The following SLC1A1 variants were observed in gnomAD, a reference collection of about 807,000 sequenced individuals.
SLC1A1 encodes solute carrier family 1 member 1, also known as excitatory amino acid transporter 3.
A neutral mutation model predicts 53.3 loss-of-function variants in SLC1A1; 43 were observed. The ratio of observed to expected loss-of-function variants is 0.81; its 90% CI spans 0.63 to 1.04. The LOEUF is 1.04. Among genes scored for constraint, SLC1A1 ranks in the 50% least tolerant of loss-of-function variants. The pLI is 0.00. For missense variants in SLC1A1, 748 were observed against 664.9 expected (o/e 1.12, Z -1.37); for synonymous variants, 307 against 243.2 (o/e 1.26, Z -2.44).
Position 4,579,901 on chromosome 9 carries a change from G to GA in SLC1A1, c.1194-3128dup, listed in dbSNP as rs201517562. ...TTGTGTGAGAATATGTGTCAAAATG[G>GA]AAAAAAAAAGGATAAATTGTCTTAT... On this transcript the variant is annotated intron_variant, in intron 10 of 11. Coordinates refer to ENST00000262352, the MANE Select transcript of SLC1A1 (RefSeq NM_004170.6). Among the ~76,000 whole-genome samples the GA allele has an allele frequency of 7.0e-3, 1,051 of 149,718 alleles. 10 individuals are homozygous for GA. Among genetic ancestry groups the GA allele is most frequent in the East Asian group, 0.029 (148 of 5,140 alleles).
At chr9:4,561,761 T>C (rs1010818845) in intron 3 of SLC1A1, among the ~76,000 whole-genome samples, 51 of 152,208 alleles carry the variant, frequency 3.4e-4, no homozygotes, top group African/African-American at 1.2e-3. Flanking sequence ...TATGGTAACA[T>C]GCGCCTGTAG....
intron 1 of SLC1A1, among the ~76,000 whole-genome samples, chr9:4,511,788 A>G (rs2150195): frequency 0.68 from 103,821 of 152,096 alleles, 35,770 homozygotes; most frequent in African/African-American, 0.77. Context: ...AACTGTCCCT[A>G]TTCACAGATG....
chr9:4,507,771 A>G (rs1180185225), intron 1 of SLC1A1, among the ~76,000 whole-genome samples: 1 of 152,200 alleles, frequency 6.6e-6, no homozygotes, highest in Non-Finnish European at 1.5e-5. Context: ...TAGAAAATCC[A>G]GGATGATCGG....
At chr9:4,509,401 G>C (rs138847308) in intron 1 of SLC1A1, among the ~76,000 whole-genome samples, 1 of 152,072 alleles carries the variant, frequency 6.6e-6, no homozygotes, top group Non-Finnish European at 1.5e-5. Flanking sequence ...GAGGCACCCA[G>C]GGATGAATAA....
chr9:4,524,389 C>A (rs886081468), intron 1 of SLC1A1, among the ~76,000 whole-genome samples: 1 of 152,144 alleles, frequency 6.6e-6, no homozygotes. Context: ...TAAAAGTCCC[C>A]TCCAGACCAA....
In SLC1A1 at chr9:4,544,783, A is replaced by G. The variant is rs556266204; in HGVS notation, c.232+76A>G. The G allele has an allele frequency of 1.4e-4, 169 of 1,226,082 alleles. 1 individual carries two copies. In the African/African-American group the frequency reaches 2.3e-3, roughly 17 times the overall value. The allele number at this position is 1,226,082 out of a possible 1,614,324, so 76.0% of individuals were successfully genotyped here. Reference sequence around the variant, plus strand: ...GTAAAGAACTTCCTGAGACTAGGTAATTTATAAAGGAAAGAGGTTTAATTG... The same window carrying G: ...GTAAAGAACTTCCTGAGACTAGGTAGTTTATAAAGGAAAGAGGTTTAATTG... On this transcript the variant is annotated intron_variant, in intron 2 of 11. Transcript: ENST00000262352.
rs377158983 is a variant in SLC1A1, at chr9:4,529,032, C to T, written c.92-15535C>T. Among the ~76,000 whole-genome samples, 48 of 152,266 alleles carry T rather than the reference C, an allele frequency of 3.2e-4. No homozygotes were observed. The South Asian group carries it at 9.8e-3, about 31-fold the overall frequency. On this transcript the variant is annotated intron_variant, in intron 1 of 11. Coordinates refer to ENST00000262352, the MANE Select transcript of SLC1A1 (RefSeq NM_004170.6). ...TCACTTTCTTCCTCATCTCTACTGC[C>T]TTCCACCTTCAGACATATAATTTAT...
intron 1 of SLC1A1, among the ~76,000 whole-genome samples, chr9:4,504,367 G>A (rs1292766296): frequency 6.6e-6 from 1 of 152,094 alleles, no homozygotes; most frequent in South Asian, 2.1e-4. Context: ...TTCTCTCCCT[G>A]TCTGGAGATT....
intron 2 of SLC1A1, chr9:4,554,244 G>C (rs1214798996): frequency 6.6e-6 from 1 of 152,352 alleles, no homozygotes; most frequent in East Asian, 1.9e-4. Flanking sequence ...GCCTGGGAGA[G>C]GGATCCAGGG....
At chr9:4,570,055 G>T (rs977310824) in intron 6 of SLC1A1, among the ~76,000 whole-genome samples, 2 of 152,156 alleles carry the variant, frequency 1.3e-5, no homozygotes, top group African/African-American at 4.8e-5. Context: ...GTGCATGATC[G>T]TTTTTGCCTT....
At chr9:4,584,095 T>C (rs1821367489) in intron 11 of SLC1A1, among the ~76,000 whole-genome samples, 1 of 152,250 alleles carries the variant, frequency 6.6e-6, no homozygotes. Flanking sequence ...ATGGAGCCTT[T>C]GCTCAGAACC....
chr9:4,520,957 T>G (rs1816048920), intron 1 of SLC1A1, among the ~76,000 whole-genome samples: 1 of 152,228 alleles, frequency 6.6e-6, no homozygotes, highest in African/African-American at 2.4e-5. Context: ...TTTTTAAAAA[T>G]AGCCATTCTA....
At chr9:4,562,687 A>G (rs1239699512) in intron 3 of SLC1A1, among the ~76,000 whole-genome samples, 2 of 152,072 alleles carry the variant, frequency 1.3e-5, no homozygotes, top group Admixed American at 1.3e-4. Flanking sequence ...TTGTTCTTGC[A>G]ATAGTTTACT....
chr9:4,577,161 G>T (rs1407099700), intron 10 of SLC1A1, among the ~76,000 whole-genome samples: 1 of 152,194 alleles, frequency 6.6e-6, no homozygotes, highest in African/African-American at 2.4e-5. Context: ...GAGAGGGAAG[G>T]GCTGGTTCTA....
intron 3 of SLC1A1, among the ~76,000 whole-genome samples, chr9:4,563,770 C>A (rs903101293): frequency 2.0e-5 from 3 of 152,108 alleles, no homozygotes; most frequent in Non-Finnish European, 4.4e-5. Flanking sequence ...GAGAGATGAA[C>A]CTTCTCTCCC....
chr9:4,564,111 G>A (rs113536784), intron 3 of SLC1A1, among the ~76,000 whole-genome samples: 7 of 151,740 alleles, frequency 4.6e-5, no homozygotes, highest in East Asian at 1.9e-4. Context: ...ACACACAGAC[G>A]CACACGCACG....
intron 1 of SLC1A1, among the ~76,000 whole-genome samples, chr9:4,514,289 T>C (rs1821092255): frequency 6.6e-6 from 1 of 152,244 alleles, no homozygotes; most frequent in Non-Finnish European, 1.5e-5. Flanking sequence ...GGGGAATTCC[T>C]GTTTTCTACT....
intron 1 of SLC1A1, among the ~76,000 whole-genome samples, chr9:4,510,076 C>T (rs201225356): frequency 5.9e-5 from 9 of 152,254 alleles, no homozygotes; most frequent in African/African-American, 1.7e-4. Flanking sequence ...TCAAGTGATC[C>T]GCCCACCTTG....
intron 9 of SLC1A1, 116 bp downstream of exon 9, chr9:4,576,239 C>T (rs1820534122): frequency 1.0e-6 from 1 of 994,192 alleles, no homozygotes; most frequent in Non-Finnish European, 1.6e-6. Flanking sequence ...TGAGAAATGA[C>T]CTCCGTATTC....
Sources: allele counts gnomAD v4.1 joint callset (sites outside exome capture counted in the v4.1 genomes callset), GRCh38; gene constraint gnomAD v4.1.1; transcripts MANE v1.5; gene names NCBI Gene and HGNC (gene_info 2026-07-23, HGNC 2026-07-21).